MCC: variants seen among roughly 807,000 people sequenced by gnomAD.
MCC encodes colorectal mutant cancer protein.
MCC carries 90 observed loss-of-function variants against 116.2 expected under a neutral mutation model. The observed-to-expected ratio is 0.77, with a 90% CI of 0.65 to 0.92. The LOEUF (loss-of-function observed/expected upper bound fraction) is 0.92, where lower values mean the gene tolerates loss of function less well. MCC is among the 40% of genes least tolerant of loss of function. MCC has a pLI of 0.00. For missense variants in MCC, 1,516 were observed against 1,312.2 expected (o/e 1.16, Z -2.40); for synonymous variants, 578 against 510.5 (o/e 1.13, Z -1.78).
At chr5:113,435,081 T>C in intron 1 of MCC, 1 of 491,902 alleles carries the variant, frequency 2.0e-6, no homozygotes, top group Non-Finnish European at 3.7e-6. Flanking sequence ...CCTGAGGCAC[T>C]TGGACTTGGA....
chr5:113,211,296 G>A (rs1320367752), intron 3 of MCC, among the ~76,000 whole-genome samples: 1 of 152,158 alleles, frequency 6.6e-6, no homozygotes, highest in African/African-American at 2.4e-5. Flanking sequence ...ATTTGCTCTC[G>A]CCTTGATCTT....
At chr5:113,470,150 G>A (rs1422411959) in intron 1 of MCC, among the ~76,000 whole-genome samples, 2 of 151,762 alleles carry the variant, frequency 1.3e-5, no homozygotes, top group South Asian at 2.1e-4. Context: ...GCCAGTCTGT[G>A]TCTTTTAATT....
At chr5:113,225,257 C>T (rs192405374) in intron 3 of MCC, among the ~76,000 whole-genome samples, 7 of 152,280 alleles carry the variant, frequency 4.6e-5, no homozygotes, top group East Asian at 3.9e-4. Flanking sequence ...ATTTTATTGA[C>T]GAATTTTCTT....
At position 113,340,504 on chromosome 5, in the gene MCC, C is replaced by T. The variant is rs767487432; in HGVS notation, c.627+15G>A. ...CAGGCCGAAATATGTATTCCATGAA[C>T]CAAAAAGTACTCACTGTGTTGGCCA... On this transcript the variant is annotated intron_variant, in intron 3 of 18. Coordinates refer to ENST00000408903, the MANE Select transcript of MCC (RefSeq NM_001085377.2). 1 of 1,612,066 alleles carries T rather than the reference C, an allele frequency of 6.2e-7. No homozygotes were observed. The highest frequency in any genetic ancestry group is 8.5e-7 in the Non-Finnish European group (1 of 1,178,292).
At chr5:113,461,212 G>C (rs1771732411) in intron 1 of MCC, among the ~76,000 whole-genome samples, 2 of 152,162 alleles carry the variant, frequency 1.3e-5, no homozygotes, top group African/African-American at 4.8e-5. Flanking sequence ...AATGAGCCAT[G>C]ATCATGTCAC....
In MCC at chr5:113,059,873, T is replaced by C. The variant is rs145193634; in HGVS notation, c.2213+4111A>G. 1.6e-4 allele frequency among the ~76,000 whole-genome samples: 24 copies of C among 152,294 alleles called. 1 individual carries two copies. The Middle Eastern group carries it at 0.01, about 65-fold the overall frequency. Reference sequence around the variant, plus strand: ...CACTCTCCACCTACCCTGTCCACTATAGGAGAAGCTGTTCAAACCAGCTAT... The same window carrying C: ...CACTCTCCACCTACCCTGTCCACTACAGGAGAAGCTGTTCAAACCAGCTAT... On this transcript the variant is annotated intron_variant, in intron 14 of 18. Coordinates refer to ENST00000408903, the MANE Select transcript of MCC (RefSeq NM_001085377.2).
At chr5:113,414,254 G>C (rs1770079228) in intron 1 of MCC, among the ~76,000 whole-genome samples, 1 of 152,166 alleles carries the variant, frequency 6.6e-6, no homozygotes, top group African/African-American at 2.4e-5. Flanking sequence ...GTTGATTCGG[G>C]GTGGAGAGTT....
intron 2 of MCC, among the ~76,000 whole-genome samples, chr5:113,381,987 A>G (rs1769135990): frequency 1.3e-5 from 2 of 152,206 alleles, no homozygotes; most frequent in South Asian, 2.1e-4. Flanking sequence ...GTCAAAATCC[A>G]AAGATTTAGA....
At chr5:113,277,058 A>G (rs1765857776) in intron 3 of MCC, among the ~76,000 whole-genome samples, 1 of 151,922 alleles carries the variant, frequency 6.6e-6, no homozygotes, top group Non-Finnish European at 1.5e-5. Context: ...CTAAAGACAT[A>G]CCGGCCAGGC....
intron 3 of MCC, among the ~76,000 whole-genome samples, chr5:113,216,122 G>A (rs1763305783): frequency 1.3e-5 from 2 of 152,118 alleles, no homozygotes; most frequent in Non-Finnish European, 2.9e-5. Context: ...TATTTACATA[G>A]TGCCTATGGT....
chr5:113,142,293 G>A (rs998058236), intron 5 of MCC, among the ~76,000 whole-genome samples: 3 of 151,814 alleles, frequency 2.0e-5, no homozygotes, highest in African/African-American at 4.8e-5. Flanking sequence ...TGAACAAAGC[G>A]CTCTTTCTCC....
intron 3 of MCC, among the ~76,000 whole-genome samples, chr5:113,171,051 C>T (rs1277921830): frequency 6.6e-6 from 1 of 152,002 alleles, no homozygotes. Flanking sequence ...TGACCATGTC[C>T]TGGCAGTTCA....
intron 3 of MCC, among the ~76,000 whole-genome samples, chr5:113,212,843 G>A (rs1033707205): frequency 2.6e-5 from 4 of 152,154 alleles, no homozygotes; most frequent in Non-Finnish European, 5.9e-5. Flanking sequence ...CTAAAAGGAC[G>A]AAAAACAGAC....
chr5:113,206,880 C>T (rs1270158610), intron 3 of MCC, among the ~76,000 whole-genome samples: 1 of 152,182 alleles, frequency 6.6e-6, no homozygotes, highest in Non-Finnish European at 1.5e-5. Context: ...GACAATAGCT[C>T]TGTGATGTAA....
chr5:113,464,669 GT>G (rs1771846910), intron 1 of MCC, among the ~76,000 whole-genome samples: 1 of 151,798 alleles, frequency 6.6e-6, no homozygotes, highest in Non-Finnish European at 1.5e-5. Context: ...TGGCTATTTT[GT>G]TCACTGCTAT....
At chr5:113,468,926 G>C (rs1326834374) in intron 1 of MCC, among the ~76,000 whole-genome samples, 2 of 152,146 alleles carry the variant, frequency 1.3e-5, no homozygotes, top group East Asian at 1.9e-4. Flanking sequence ...TGTATGTGTC[G>C]AGGAATTTAT....
intron 2 of MCC, among the ~76,000 whole-genome samples, chr5:113,374,621 T>G (rs977374486): frequency 2.2e-4 from 34 of 152,150 alleles, no homozygotes; most frequent in Non-Finnish European, 1.2e-4. Flanking sequence ...CATATTTGTA[T>G]TAATACAAAT....
rs540550203 is a variant in MCC at position 113,140,741 on chromosome 5, T to C, written c.884+2477A>G. ...CAATAAATTCTTAACTGAGGCCAGATTTAAGTGACACCAAAGTCTACAATG... is the reference window on the plus strand; with the variant it reads ...CAATAAATTCTTAACTGAGGCCAGACTTAAGTGACACCAAAGTCTACAATG... On this transcript the variant is annotated intron_variant, in intron 5 of 18. Transcript: ENST00000408903. Among the ~76,000 whole-genome samples the C allele has an allele frequency of 1.1e-4, 16 of 152,330 alleles. No individual in the cohort carries two copies. The South Asian group carries it at 3.3e-3, about 32-fold the overall frequency.
chr5:113,169,380 CA>C (rs1760949300), intron 3 of MCC, among the ~76,000 whole-genome samples: 1 of 152,082 alleles, frequency 6.6e-6, no homozygotes, highest in Admixed American at 6.5e-5. Context: ...ACCATTCCTG[CA>C]CCCAAATGTG....
Sources: allele counts gnomAD v4.1 joint callset (sites outside exome capture counted in the v4.1 genomes callset), GRCh38; gene constraint gnomAD v4.1.1; transcripts MANE v1.5; gene names NCBI Gene and HGNC (gene_info 2026-07-23, HGNC 2026-07-21).